Variants in ANO3 observed in about 807,000 individuals in gnomAD.
ANO3 encodes anoctamin 3.
ANO3 carries 99 observed loss-of-function variants against 144.8 expected under a neutral mutation model. The ratio of observed to expected loss-of-function variants is 0.68; its 90% CI spans 0.58 to 0.81. ANO3 has a LOEUF of 0.81. Ranked by LOEUF, ANO3 falls within the 30% of genes least tolerant of loss-of-function variation. ANO3 has a pLI of 0.00. For synonymous variants in ANO3, 414 were observed against 392.6 expected (o/e 1.05, Z -0.64); for missense variants, 905 against 1,202.2 (o/e 0.75, Z 3.66).
At chr11:26,409,824 T>C (rs1458610669) in intron 1 of ANO3, among the ~76,000 whole-genome samples, 1 of 151,962 alleles carries the variant, frequency 6.6e-6, no homozygotes, top group Non-Finnish European at 1.5e-5. Flanking sequence ...AGCAAAATGA[T>C]GTAGTAATAA....
intron 1 of ANO3, among the ~76,000 whole-genome samples, chr11:26,344,877 A>G (rs977842053): frequency 3.9e-5 from 6 of 152,100 alleles, no homozygotes; most frequent in African/African-American, 1.2e-4. Context: ...AGACAGCATT[A>G]CTCTAGAGTT....
chr11:26,461,679 A>G (rs947764552), intron 3 of ANO3, among the ~76,000 whole-genome samples: 2 of 152,064 alleles, frequency 1.3e-5, no homozygotes, highest in African/African-American at 4.8e-5. Context: ...TGGGGGAAAC[A>G]TATTATATTC....
At chr11:26,332,116 C>T (rs1419511747), upstream of ANO3, 1 of 1,484,812 alleles carries the variant, frequency 6.7e-7, no homozygotes, top group African/African-American at 1.4e-5. Context: ...ACGACACCGG[C>T]GGGCGCGTAG....
At chr11:26,646,767 G>A (rs954868510) in intron 23 of ANO3, among the ~76,000 whole-genome samples, 7 of 151,508 alleles carry the variant, frequency 4.6e-5, no homozygotes, top group South Asian at 2.1e-4. Context: ...ACCCTTTGTC[G>A]GTTTTTGTAA....
rs180750441 is a variant in ANO3 at position 26,251,171 on chromosome 11, G to C, written c.155-58474G>C. Among the ~76,000 whole-genome samples, 4 of 152,268 alleles carry C rather than the reference G, an allele frequency of 2.6e-5. No individual in the cohort carries two copies. In the East Asian group the frequency reaches 7.7e-4, roughly 29 times the overall value. On this transcript the variant is annotated intron_variant, in intron 1 of 27. Transcript: ENST00000672621. The stretch of plus-strand genomic sequence containing the variant: ...TAAGTCAAGCAATTGTAAATTGGGG[G>C]ACTGTATTTATAAAACACACAAAAC...
chr11:26,231,295 G>A (rs1033792308), intron 1 of ANO3, among the ~76,000 whole-genome samples: 5 of 152,160 alleles, frequency 3.3e-5, no homozygotes, highest in African/African-American at 1.2e-4. Context: ...TGCTTCCTTT[G>A]GAGAATGTGT....
rs199717582 is a variant in ANO3 at position 26,197,268 on chromosome 11, AC to A, written c.154+7939del. 8.8e-3 allele frequency among the ~76,000 whole-genome samples: 1,340 copies of A among 152,332 alleles called. 22 individuals are homozygous for A. Among genetic ancestry groups the A allele is most frequent in the African/African-American group, 0.031 (1,272 of 41,560 alleles). ...GGCAACAGAAAACAAAAAAGATCCT[AC>A]ATGAGGAAGGTTCGCAATAGAAAAC... On this transcript the variant is annotated intron_variant, in intron 1 of 27. Transcript: ENST00000672621.
chr11:26,490,173 T>C (rs1860645074), intron 4 of ANO3, among the ~76,000 whole-genome samples: 1 of 152,182 alleles, frequency 6.6e-6, no homozygotes, highest in Non-Finnish European at 1.5e-5. Flanking sequence ...ATTCTTGTGA[T>C]AGTGAATAAG....
chr11:26,363,952 G>C (rs1023325346), intron 1 of ANO3, among the ~76,000 whole-genome samples: 1 of 152,070 alleles, frequency 6.6e-6, no homozygotes, highest in Non-Finnish European at 1.5e-5. Context: ...GTGCCTACTT[G>C]GTCCATTAAG....
chr11:26,261,608 A>G (rs1336560323), intron 1 of ANO3, among the ~76,000 whole-genome samples: 1 of 152,216 alleles, frequency 6.6e-6, no homozygotes, highest in East Asian at 1.9e-4. Context: ...ATGGCTGGCC[A>G]TAATGATCCC....
rs548882804 is a variant in ANO3 at position 26,195,966 on chromosome 11, T to A, written c.154+6636T>A. On this transcript the variant is annotated intron_variant, in intron 1 of 27. Transcript: ENST00000672621. ...TAGAATACACATTTAATGGGTGAGA[T>A]GTTGCCCCATTTCTTTTTTTCCATT... Among the ~76,000 whole-genome samples, 18 of 152,344 alleles carry A rather than the reference T, an allele frequency of 1.2e-4. No individual in the cohort carries two copies. The South Asian group carries it at 2.9e-3, about 25-fold the overall frequency.
intron 4 of ANO3, among the ~76,000 whole-genome samples, chr11:26,490,358 A>C (rs930675046): frequency 6.6e-6 from 1 of 152,224 alleles, no homozygotes; most frequent in South Asian, 2.1e-4. Flanking sequence ...TGTCTTTATC[A>C]GCAGTGTGAA....
chr11:26,533,888 C>G (rs1446039069), intron 8 of ANO3, among the ~76,000 whole-genome samples: 1 of 152,148 alleles, frequency 6.6e-6, no homozygotes, highest in Non-Finnish European at 1.5e-5. Flanking sequence ...GAGCAAGACC[C>G]AGGACACTTC....
chr11:26,483,369 A>G (rs1860304845), intron 4 of ANO3, among the ~76,000 whole-genome samples: 1 of 152,112 alleles, frequency 6.6e-6, no homozygotes, highest in Non-Finnish European at 1.5e-5. Flanking sequence ...TTGAAATGTA[A>G]TCTCCAGTTC....
chr11:26,662,530 A>G lies in ANO3; in HGVS notation c.*2086A>G, dbSNP rs553239126. The G allele has an allele frequency of 6.6e-6, 1 of 152,200 alleles. No homozygotes were observed. Among genetic ancestry groups the G allele is most frequent in the Non-Finnish European group, 1.5e-5 (1 of 67,986 alleles). 9.4% of individuals were successfully genotyped at this position (152,200 alleles called of 1,614,324 possible). On this transcript the variant is annotated 3_prime_UTR_variant, in exon 27 of 27. Coordinates refer to ENST00000256737, the MANE Select transcript of ANO3 (RefSeq NM_031418.4). ...CACAGAACAGCAACATTTGTCTGAC[A>G]GTAGTATAAAGAATAATGATAGCTC...
In ANO3 at chr11:26,460,048, T is replaced by G. The variant is rs114611542; in HGVS notation, c.314-2982T>G. On this transcript the variant is annotated intron_variant, in intron 3 of 26. Transcript: ENST00000256737. ...AAACACTTCCCACCAGTCTTCATTTTCAACATTAGAGATCAGATTTCAACA... is the reference window on the plus strand; with the variant it reads ...AAACACTTCCCACCAGTCTTCATTTGCAACATTAGAGATCAGATTTCAACA... 653 of 447,546 alleles carry G rather than the reference T, an allele frequency of 1.5e-3. 6 individuals carry two copies. The highest frequency in any genetic ancestry group is 0.012 in the African/African-American group (578 of 49,756). The allele number at this position is 447,546 out of a possible 1,614,324, so 27.7% of individuals were successfully genotyped here. A position where few individuals can be genotyped will look rare whatever the true frequency, so the allele number is the denominator to read the frequency against.
intron 1 of ANO3, among the ~76,000 whole-genome samples, chr11:26,317,347 T>G (rs1490413496): frequency 4.6e-5 from 7 of 151,996 alleles, no homozygotes; most frequent in Admixed American, 4.6e-4. Context: ...GGAGAAAATT[T>G]TTGCAATCTA....
chr11:26,348,915 A>G (rs934197788), intron 1 of ANO3, among the ~76,000 whole-genome samples: 5 of 152,206 alleles, frequency 3.3e-5, no homozygotes, highest in African/African-American at 1.2e-4. Context: ...CTTGCCTAAG[A>G]TGAGGAAATG....
At chr11:26,246,725 G>A (rs1476732262) in intron 1 of ANO3, among the ~76,000 whole-genome samples, 2 of 152,028 alleles carry the variant, frequency 1.3e-5, no homozygotes, top group Non-Finnish European at 2.9e-5. Context: ...CGTGGTGGGA[G>A]GTAATTGAGT....
Sources: allele counts gnomAD v4.1 joint callset (sites outside exome capture counted in the v4.1 genomes callset), GRCh38; gene constraint gnomAD v4.1.1; transcripts MANE v1.5; gene names NCBI Gene and HGNC (gene_info 2026-07-23, HGNC 2026-07-21).